NR3C2: variants seen among roughly 807,000 people sequenced by gnomAD.
NR3C2 encodes nuclear receptor subfamily 3 group C member 2, also known as mineralocorticoid receptor.
A neutral mutation model predicts 86.4 loss-of-function variants in NR3C2; 15 were observed. That is an observed-to-expected ratio of 0.17 (90% CI 0.12 to 0.27). The LOEUF (loss-of-function observed/expected upper bound fraction) is 0.27, where lower values mean the gene tolerates loss of function less well. Among genes scored for constraint, NR3C2 ranks in the 10% least tolerant of loss-of-function variants. The pLI, the probability that NR3C2 is intolerant of heterozygous loss-of-function variation, is 1.00. For synonymous variants in NR3C2, 458 were observed against 450.5 expected (o/e 1.02, Z -0.21); for missense variants, 960 against 1,195.6 (o/e 0.80, Z 2.91).
chr4:148,215,625 A>T (rs1360449014), intron 3 of NR3C2, among the ~76,000 whole-genome samples: 2 of 152,228 alleles, frequency 1.3e-5, no homozygotes, highest in Non-Finnish European at 2.9e-5. Flanking sequence ...TAACACTGGC[A>T]CCAAAAACAT....
chr4:148,160,849 C>T (rs1734625448), intron 4 of NR3C2, among the ~76,000 whole-genome samples: 1 of 152,148 alleles, frequency 6.6e-6, no homozygotes, highest in African/African-American at 2.4e-5. Context: ...ACATGGGGCA[C>T]GAATTTCAGC....
At chr4:148,443,558 A>G (rs1750457735), upstream of NR3C2, among the ~76,000 whole-genome samples, 2 of 152,050 alleles carry the variant, frequency 1.3e-5, no homozygotes, top group Admixed American at 6.5e-5. Flanking sequence ...CGCCCACCCA[A>G]ATGCTGCAGT....
At chr4:148,103,462 C>A (rs1469929481) in intron 8 of NR3C2, among the ~76,000 whole-genome samples, 3 of 152,232 alleles carry the variant, frequency 2.0e-5, no homozygotes, top group African/African-American at 7.2e-5. Flanking sequence ...CTCCGGGAAG[C>A]AGGGCCACTC....
intron 2 of NR3C2, among the ~76,000 whole-genome samples, chr4:148,316,607 G>A (rs968206929): frequency 2.0e-4 from 31 of 152,188 alleles, no homozygotes; most frequent in African/African-American, 7.2e-4. Flanking sequence ...TTCTTTTAAG[G>A]AGGAAATTTT....
At chr4:148,282,325 C>T (rs939948231) in intron 2 of NR3C2, among the ~76,000 whole-genome samples, 5 of 152,114 alleles carry the variant, frequency 3.3e-5, no homozygotes, top group African/African-American at 4.8e-5. Flanking sequence ...CCACTGTGCC[C>T]GGCCATAATT....
chr4:148,125,412 TG>T (rs1183834939), intron 6 of NR3C2, among the ~76,000 whole-genome samples: 6 of 152,340 alleles, frequency 3.9e-5, no homozygotes, highest in African/African-American at 1.2e-4. Flanking sequence ...TCTAGCTTCC[TG>T]TCACCTTTCT....
intron 3 of NR3C2, among the ~76,000 whole-genome samples, chr4:148,230,692 G>T (rs1197297921): frequency 6.6e-6 from 1 of 152,154 alleles, no homozygotes; most frequent in African/African-American, 2.4e-5. Context: ...CTTTACCTTA[G>T]CTCTAAATTC....
At chr4:148,169,532 A>T (rs1008034322) in intron 4 of NR3C2, among the ~76,000 whole-genome samples, 14 of 151,208 alleles carry the variant, frequency 9.3e-5, no homozygotes, top group Non-Finnish European at 1.5e-4. Context: ...TCATGTATAT[A>T]AATATATATA....
At chr4:148,261,550 C>T (rs1740124903) in intron 2 of NR3C2, among the ~76,000 whole-genome samples, 1 of 152,168 alleles carries the variant, frequency 6.6e-6, no homozygotes, top group South Asian at 2.1e-4. Flanking sequence ...GACAGCTAAC[C>T]TGAGTTTTGA....
At chr4:148,245,494 G>A (rs1739274206) in intron 3 of NR3C2, among the ~76,000 whole-genome samples, 1 of 152,100 alleles carries the variant, frequency 6.6e-6, no homozygotes, top group African/African-American at 2.4e-5. Flanking sequence ...TTAGAATATT[G>A]CTTAACTTCT....
intron 3 of NR3C2, among the ~76,000 whole-genome samples, chr4:148,222,716 C>T (rs1337851257): frequency 6.6e-6 from 1 of 152,092 alleles, no homozygotes; most frequent in Non-Finnish European, 1.5e-5. Context: ...AAGTTTACAC[C>T]TTGCCATTTG....
chr4:148,289,208 G>T (rs1382284474), intron 2 of NR3C2, among the ~76,000 whole-genome samples: 1 of 144,448 alleles, frequency 6.9e-6, no homozygotes, highest in African/African-American at 2.5e-5. Flanking sequence ...TAAACAAGAT[G>T]ACTACTGAAA....
At chr4:148,348,829 T>C (rs1745129008) in intron 2 of NR3C2, among the ~76,000 whole-genome samples, 1 of 152,154 alleles carries the variant, frequency 6.6e-6, no homozygotes, top group South Asian at 2.1e-4. Flanking sequence ...AAGAAACCTG[T>C]TACTTGTTTA....
At chr4:148,135,480 C>A (rs1733256207) in intron 6 of NR3C2, among the ~76,000 whole-genome samples, 1 of 152,128 alleles carries the variant, frequency 6.6e-6, no homozygotes, top group South Asian at 2.1e-4. Flanking sequence ...CTGGCACCTG[C>A]AACTTGAACT....
chr4:148,272,380 A>G (rs948198974), intron 2 of NR3C2, among the ~76,000 whole-genome samples: 2 of 152,222 alleles, frequency 1.3e-5, no homozygotes, highest in Admixed American at 6.5e-5. Flanking sequence ...CAAATGAGAT[A>G]AAAATCATGT....
chr4:148,148,153 T>A (rs1053469190), intron 6 of NR3C2, among the ~76,000 whole-genome samples: 9 of 142,662 alleles, frequency 6.3e-5, no homozygotes, highest in Non-Finnish European at 1.4e-4. Context: ...CCCCTGCCCT[T>A]CCAAACCTGA....
At chr4:148,407,826 C>T (rs1748496444) in intron 2 of NR3C2, among the ~76,000 whole-genome samples, 1 of 152,150 alleles carries the variant, frequency 6.6e-6, no homozygotes, top group South Asian at 2.1e-4. Context: ...TGTCCCATCA[C>T]TATTTACTAC....
At chr4:148,395,020 C>CCT (rs1388339320) in intron 2 of NR3C2, among the ~76,000 whole-genome samples, 1 of 151,906 alleles carries the variant, frequency 6.6e-6, no homozygotes, top group African/African-American at 2.4e-5. Context: ...TGGAAATAAA[C>CCT]CTCTCTCTCA....
At chr4:148,262,912 C>T (rs1202390887) in intron 2 of NR3C2, among the ~76,000 whole-genome samples, 1 of 152,146 alleles carries the variant, frequency 6.6e-6, no homozygotes, top group Non-Finnish European at 1.5e-5. Context: ...TATTCAGATT[C>T]TGATCAATCT....
Sources: allele counts gnomAD v4.1 joint callset (sites outside exome capture counted in the v4.1 genomes callset), GRCh38; gene constraint gnomAD v4.1.1; transcripts MANE v1.5; gene names NCBI Gene and HGNC (gene_info 2026-07-23, HGNC 2026-07-21).